Variants in OXR1 observed in about 807,000 individuals in gnomAD.
The protein encoded by OXR1 is oxidation resistance 1.
OXR1 carries 41 observed loss-of-function variants against 104.6 expected under a neutral mutation model. That is an observed-to-expected ratio of 0.39 (90% confidence interval 0.31 to 0.51). The LOEUF (loss-of-function observed/expected upper bound fraction) is 0.51, where lower values mean the gene tolerates loss of function less well. Among genes scored for constraint, OXR1 ranks in the 20% least tolerant of loss-of-function variants. The pLI, the probability that OXR1 is intolerant of heterozygous loss-of-function variation, is 0.77. For synonymous variants in OXR1, 348 were observed against 348.4 expected (o/e 1.00, Z 0.01); for missense variants, 955 against 1,031.9 (o/e 0.93, Z 1.02).
At position 106,558,035 on chromosome 8, in the gene OXR1, G is replaced by A. The variant is rs78164340; in HGVS notation, c.220+38896G>A. Among the ~76,000 whole-genome samples the A allele has an allele frequency of 3.0e-3, 458 of 152,220 alleles. 1 individual carries two copies. The highest frequency in any genetic ancestry group is 0.01 in the African/African-American group (427 of 41,544). On this transcript the variant is annotated intron_variant, in intron 3 of 16. Transcript: ENST00000517566. Reference sequence around the variant, plus strand: ...GAAGTCAGACTGGCTTTGAACTTCCGCTTTACCACTGAGTAGATTTTTTTA... The same window carrying A: ...GAAGTCAGACTGGCTTTGAACTTCCACTTTACCACTGAGTAGATTTTTTTA...
intron 2 of OXR1, among the ~76,000 whole-genome samples, chr8:106,399,496 T>C (rs762467075): frequency 2.6e-5 from 4 of 152,126 alleles, no homozygotes; most frequent in African/African-American, 4.8e-5. Context: ...TACAAAAAAA[T>C]GGGTGCTACA....
chr8:106,297,210 T>C (rs994343730), intron 1 of OXR1, among the ~76,000 whole-genome samples: 4 of 152,198 alleles, frequency 2.6e-5, no homozygotes, highest in Non-Finnish European at 4.4e-5. Flanking sequence ...ATTAGATGAA[T>C]GGACTCAGAT....
rs568531775 is a variant in OXR1 at position 106,545,296 on chromosome 8, A to C, written c.220+26157A>C. The stretch of plus-strand genomic sequence containing the variant: ...ATAATGTGATTGATTGTCTGAAAAC[A>C]AGACATTCAGCTGGAACGTTATTTG... On this transcript the variant is annotated intron_variant, in intron 3 of 16. Transcript: ENST00000517566. Among the ~76,000 whole-genome samples, 178 of 152,360 alleles carry C rather than the reference A, an allele frequency of 1.2e-3. 4 individuals carry two copies. Among genetic ancestry groups the C allele is most frequent in the African/African-American group, 3.9e-3 (164 of 41,586 alleles).
chr8:106,712,633 A>G lies in OXR1; in HGVS notation c.1794-1190A>G, dbSNP rs902120336. Among the ~76,000 whole-genome samples, 5 of 152,146 alleles carry G rather than the reference A, an allele frequency of 3.3e-5. 1 individual carries two copies. In the South Asian group the frequency reaches 1.0e-3, roughly 32 times the overall value. ...TCTTTATATGTTGCTTTGGAAGACT[A>G]CAGCTTTTAGGCATAAAATGATAAT... On this transcript the variant is annotated intron_variant, in intron 10 of 16. Coordinates refer to ENST00000517566, the MANE Select transcript of OXR1 (RefSeq NM_001198533.2).
At chr8:106,467,890 G>A (rs185485538) in intron 2 of OXR1, among the ~76,000 whole-genome samples, 14 of 151,892 alleles carry the variant, frequency 9.2e-5, no homozygotes, top group East Asian at 3.9e-4. Flanking sequence ...AGATAGTAAC[G>A]TTTTGCTAAT....
intron 2 of OXR1, among the ~76,000 whole-genome samples, chr8:106,363,232 C>T (rs553280730): frequency 4.9e-4 from 74 of 152,270 alleles, no homozygotes; most frequent in African/African-American, 1.8e-3. Context: ...CTTTTTGGAG[C>T]TCATTTATAA....
intron 3 of OXR1, among the ~76,000 whole-genome samples, chr8:106,665,014 T>C (rs1367707669): frequency 6.6e-6 from 1 of 152,218 alleles, no homozygotes; most frequent in Non-Finnish European, 1.5e-5. Context: ...AGACCTAAAA[T>C]ACTTCCATTA....
chr8:106,279,129 G>T (rs923729274), intron 1 of OXR1, among the ~76,000 whole-genome samples: 1 of 152,128 alleles, frequency 6.6e-6, no homozygotes, highest in Non-Finnish European at 1.5e-5. Context: ...ATTGAAGTGA[G>T]ATTTTTACCT....
At chr8:106,448,088 T>A in intron 2 of OXR1, 1 of 1,534,078 alleles carries the variant, frequency 6.5e-7, no homozygotes. Flanking sequence ...TGTTACTTCC[T>A]GTGTTATGAA....
chr8:106,746,610 C>A (rs970709255), intron 16 of OXR1, among the ~76,000 whole-genome samples: 1 of 152,132 alleles, frequency 6.6e-6, no homozygotes, highest in Non-Finnish European at 1.5e-5. Context: ...TTCAGACCAC[C>A]AAAGAATATT....
At chr8:106,369,216 A>G (rs887268789) in intron 2 of OXR1, among the ~76,000 whole-genome samples, 4 of 152,150 alleles carry the variant, frequency 2.6e-5, no homozygotes, top group Non-Finnish European at 5.9e-5. Context: ...GTATCTTTTC[A>G]TATTCTTTGC....
intron 3 of OXR1, among the ~76,000 whole-genome samples, chr8:106,575,201 T>A (rs1446519121): frequency 6.6e-6 from 1 of 152,172 alleles, no homozygotes; most frequent in East Asian, 1.9e-4. Flanking sequence ...ACTATCATCA[T>A]CTTTATGCAT....
intron 2 of OXR1, among the ~76,000 whole-genome samples, chr8:106,386,818 G>A (rs1029582044): frequency 3.9e-5 from 6 of 152,128 alleles, no homozygotes; most frequent in Non-Finnish European, 7.3e-5. Flanking sequence ...ATAAGCATGG[G>A]GACAGGAGCT....
chr8:106,561,785 C>A (rs1379447269), intron 3 of OXR1, among the ~76,000 whole-genome samples: 1 of 152,176 alleles, frequency 6.6e-6, no homozygotes, highest in Admixed American at 6.5e-5. Flanking sequence ...AAGGAACAGG[C>A]AGCAATCTTT....
intron 3 of OXR1, among the ~76,000 whole-genome samples, chr8:106,638,167 T>A (rs1411583616): frequency 1.3e-5 from 2 of 152,226 alleles, no homozygotes; most frequent in African/African-American, 4.8e-5. Flanking sequence ...AGGCTGACGT[T>A]CACAATTTAG....
At chr8:106,455,814 T>G (rs1001991300) in intron 2 of OXR1, among the ~76,000 whole-genome samples, 1 of 152,218 alleles carries the variant, frequency 6.6e-6, no homozygotes, top group Non-Finnish European at 1.5e-5. Flanking sequence ...ATCCATTGAA[T>G]CTGATACCAT....
intron 3 of OXR1, among the ~76,000 whole-genome samples, chr8:106,610,848 T>C (rs1238996186): frequency 6.6e-6 from 1 of 152,254 alleles, no homozygotes. Context: ...TCTGCCTGTT[T>C]TTAAACTAGC....
intron 2 of OXR1, among the ~76,000 whole-genome samples, chr8:106,431,479 C>T (rs1472796549): frequency 4.6e-5 from 7 of 152,214 alleles, no homozygotes; most frequent in East Asian, 3.9e-4. Flanking sequence ...AGGAATAAAA[C>T]GAATGAGTTA....
intron 3 of OXR1, among the ~76,000 whole-genome samples, chr8:106,595,744 A>C (rs557281134): frequency 6.6e-6 from 1 of 152,208 alleles, no homozygotes; most frequent in East Asian, 1.9e-4. Context: ...CCTCATAGAG[A>C]TGCAGCATAT....
Sources: gnomAD v4.1 joint callset for allele counts (sites outside exome capture counted in the v4.1 genomes callset) on GRCh38, gnomAD v4.1.1 for gene constraint, MANE v1.5 for transcripts, NCBI Gene and HGNC (gene_info 2026-07-23, HGNC 2026-07-21) for gene names.